LRRIQ3: variants seen among roughly 807,000 people sequenced by gnomAD.
The protein encoded by LRRIQ3 is leucine rich repeats and IQ motif containing 3, also known as leucine-rich repeat and IQ domain-containing protein 3.
Under a neutral mutation model 59.3 loss-of-function variants are expected in LRRIQ3, and 75 were observed. The observed-to-expected ratio is 1.26, with a 90% CI of 1.05 to 1.53. The LOEUF is 1.53. Among genes scored for constraint, LRRIQ3 ranks in the 40% most tolerant of loss-of-function variants. LRRIQ3 has a pLI of 0.00. For synonymous variants in LRRIQ3, 250 were observed against 231.3 expected (o/e 1.08, Z -0.73); for missense variants, 831 against 710.0 (o/e 1.17, Z -1.94).
intron 7 of LRRIQ3, among the ~76,000 whole-genome samples, chr1:74,032,825 C>A (rs779025037): frequency 1.3e-5 from 2 of 151,788 alleles, no homozygotes; most frequent in South Asian, 4.2e-4. Context: ...AACACAGCAG[C>A]CTTACATTAC....
intron 5 of LRRIQ3, among the ~76,000 whole-genome samples, chr1:74,087,062 G>GT (rs1310128510): frequency 3.3e-5 from 5 of 152,000 alleles, no homozygotes; most frequent in Non-Finnish European, 7.4e-5. Flanking sequence ...AATAATAAAT[G>GT]TAACTTGTTT....
At chr1:74,037,312 C>G (rs764302486) in intron 7 of LRRIQ3, among the ~76,000 whole-genome samples, 2 of 152,112 alleles carry the variant, frequency 1.3e-5, no homozygotes, top group Non-Finnish European at 2.9e-5. Context: ...CCAAATCCTG[C>G]ACTGGCAACT....
At chr1:74,132,964 A>T (rs1210595398) in intron 4 of LRRIQ3, among the ~76,000 whole-genome samples, 2 of 152,136 alleles carry the variant, frequency 1.3e-5, no homozygotes, top group East Asian at 3.9e-4. Flanking sequence ...CAATCTACTC[A>T]TCTGACAATG....
chr1:74,150,844 T>A (rs186297148), intron 4 of LRRIQ3, among the ~76,000 whole-genome samples: 1 of 152,094 alleles, frequency 6.6e-6, no homozygotes, highest in Non-Finnish European at 1.5e-5. Context: ...CTGATACTTA[T>A]ATATCCAAGT....
At chr1:74,098,007 A>C (rs2100532873) in intron 5 of LRRIQ3, among the ~76,000 whole-genome samples, 1 of 152,312 alleles carries the variant, frequency 6.6e-6, no homozygotes, top group South Asian at 2.1e-4. Flanking sequence ...CTAATGAGCA[A>C]AATAACCAGC....
At chr1:74,060,378 T>C (rs1557597875) in intron 6 of LRRIQ3, among the ~76,000 whole-genome samples, 2 of 151,150 alleles carry the variant, frequency 1.3e-5, no homozygotes, top group Non-Finnish European at 1.5e-5. Context: ...CCTCATCCTC[T>C]TCCTCCTCCT....
At chr1:74,178,960 A>G (rs1482780230) in intron 3 of LRRIQ3, among the ~76,000 whole-genome samples, 1 of 152,108 alleles carries the variant, frequency 6.6e-6, no homozygotes, top group Non-Finnish European at 1.5e-5. Context: ...CAGAGCAGGA[A>G]GCTAGAATAA....
intron 4 of LRRIQ3, among the ~76,000 whole-genome samples, chr1:74,130,763 C>A (rs1259983155): frequency 6.6e-6 from 1 of 151,928 alleles, no homozygotes; most frequent in Non-Finnish European, 1.5e-5. Context: ...TCTCTAAAGG[C>A]CCACAAGAGA....
In LRRIQ3 at chr1:74,148,502, G is replaced by A. The variant is rs149759794; in HGVS notation, c.707+7231C>T. Among the ~76,000 whole-genome samples, 18 of 152,206 alleles carry A rather than the reference G, an allele frequency of 1.2e-4. No homozygotes were observed. In the East Asian group the frequency reaches 3.1e-3, roughly 26 times the overall value. On this transcript the variant is annotated intron_variant, in intron 4 of 7. Coordinates refer to ENST00000354431, the MANE Select transcript of LRRIQ3 (RefSeq NM_001105659.2). ...GGCATACATGGGTGGCAGTAGTTAT[G>A]GTTGTGGTTAGGCCAGTCCTTGGGC... is the stretch of plus-strand genomic sequence containing the variant.
At chr1:74,085,268 T>C (rs1646314717) in intron 5 of LRRIQ3, among the ~76,000 whole-genome samples, 1 of 146,646 alleles carries the variant, frequency 6.8e-6, no homozygotes, top group African/African-American at 2.5e-5. Flanking sequence ...TTTAAATAAA[T>C]AAATATTTTT....
chr1:74,064,044 T>C (rs1443983525), intron 6 of LRRIQ3, among the ~76,000 whole-genome samples: 1 of 151,854 alleles, frequency 6.6e-6, no homozygotes, highest in Admixed American at 6.6e-5. Context: ...TCCAGTAAAT[T>C]CCAGTAAAAT....
chr1:74,134,656 A>G (rs1272849568), intron 4 of LRRIQ3, among the ~76,000 whole-genome samples: 1 of 151,966 alleles, frequency 6.6e-6, no homozygotes, highest in Non-Finnish European at 1.5e-5. Context: ...GCAAAGTTCT[A>G]TATTTTACTG....
intron 5 of LRRIQ3, among the ~76,000 whole-genome samples, chr1:74,106,467 A>T (rs1646614827): frequency 6.6e-6 from 1 of 151,930 alleles, no homozygotes; most frequent in African/African-American, 2.4e-5. Flanking sequence ...CATGGGTGTG[A>T]GTATCTCTCA....
intron 6 of LRRIQ3, among the ~76,000 whole-genome samples, chr1:74,065,156 A>G (rs1252865531): frequency 6.6e-6 from 1 of 152,148 alleles, no homozygotes; most frequent in Non-Finnish European, 1.5e-5. Flanking sequence ...ACTACAGAAG[A>G]CTTCTAGTAC....
chr1:74,144,159 T>C (rs1647405967), intron 4 of LRRIQ3, among the ~76,000 whole-genome samples: 1 of 151,950 alleles, frequency 6.6e-6, no homozygotes, highest in African/African-American at 2.4e-5. Context: ...AAAGTGCCCT[T>C]AAATTTGAAA....
intron 6 of LRRIQ3, among the ~76,000 whole-genome samples, chr1:74,061,831 T>G (rs987245979): frequency 6.6e-6 from 1 of 152,122 alleles, no homozygotes; most frequent in Admixed American, 6.6e-5. Context: ...GCTCAGGAAC[T>G]GGAGACTAGG....
chr1:74,051,037 T>C (rs1453704301), intron 6 of LRRIQ3, among the ~76,000 whole-genome samples: 1 of 152,178 alleles, frequency 6.6e-6, no homozygotes, highest in Non-Finnish European at 1.5e-5. Context: ...CCTGGGGATT[T>C]ATTGTAATAG....
At chr1:74,193,412 T>C (rs924388047) in intron 1 of LRRIQ3, among the ~76,000 whole-genome samples, 7 of 152,152 alleles carry the variant, frequency 4.6e-5, no homozygotes, top group African/African-American at 1.7e-4. Context: ...TTAATTGCAC[T>C]ATATAAACCA....
At chr1:74,093,735 A>C (rs981534734) in intron 5 of LRRIQ3, among the ~76,000 whole-genome samples, 8 of 152,082 alleles carry the variant, frequency 5.3e-5, no homozygotes, top group Non-Finnish European at 1.2e-4. Context: ...ATGGTCTAAA[A>C]TGAAGTTCCA....
Sources: gnomAD v4.1 joint callset for allele counts (sites outside exome capture counted in the v4.1 genomes callset) on GRCh38, gnomAD v4.1.1 for gene constraint, MANE v1.5 for transcripts, NCBI Gene and HGNC (gene_info 2026-07-23, HGNC 2026-07-21) for gene names.